MPPED2: variants seen among roughly 807,000 people sequenced by gnomAD.
MPPED2 encodes the protein metallophosphoesterase domain containing 2.
MPPED2 carries 5 observed loss-of-function variants against 33.0 expected under a neutral mutation model. That is an observed-to-expected ratio of 0.15 (90% CI 0.08 to 0.32). The LOEUF is 0.32. MPPED2 is among the 10% of genes least tolerant of loss of function. The probability of loss-of-function intolerance (pLI) is 1.00; values close to 1 mark genes in which losing one functional copy is unlikely to be tolerated. For missense variants in MPPED2, 275 were observed against 372.1 expected, an observed-to-expected ratio of 0.74 and a Z score of 2.15; for synonymous variants, 136 against 141.9, an observed-to-expected ratio of 0.96 and a Z score of 0.29.
At chr11:30,390,608 TTCAAAGAAA>T (rs1947760736) in intron 6 of MPPED2, among the ~76,000 whole-genome samples, 1 of 152,230 alleles carries the variant, frequency 6.6e-6, no homozygotes, top group Non-Finnish European at 1.5e-5. Context: ...TGCTCTGAAC[TTCAAAGAAA>T]GACTGTTTCG....
chr11:30,496,101 T>G (rs1399920149), intron 3 of MPPED2, among the ~76,000 whole-genome samples: 2 of 152,220 alleles, frequency 1.3e-5, no homozygotes, highest in Non-Finnish European at 2.9e-5. Flanking sequence ...AAGGGCCCCC[T>G]GATTAGAAGG....
chr11:30,476,298 TTA>T (rs1169093331), intron 4 of MPPED2, among the ~76,000 whole-genome samples: 2 of 151,762 alleles, frequency 1.3e-5, no homozygotes, highest in Non-Finnish European at 2.9e-5. Context: ...TTTATGTTGT[TTA>T]TGTTTTTTGT....
At chr11:30,430,613 CA>C (rs1949036444) in intron 4 of MPPED2, among the ~76,000 whole-genome samples, 1 of 151,980 alleles carries the variant, frequency 6.6e-6, no homozygotes, top group African/African-American at 2.4e-5. Flanking sequence ...TGAAATAATC[CA>C]AAAGTAAGTA....
At chr11:30,562,338 A>G (rs1250743350) in intron 2 of MPPED2, among the ~76,000 whole-genome samples, 3 of 152,176 alleles carry the variant, frequency 2.0e-5, no homozygotes, top group Admixed American at 2.0e-4. Context: ...AGTGGTAGAA[A>G]CAGGAGGACA....
intron 3 of MPPED2, among the ~76,000 whole-genome samples, chr11:30,506,525 A>G (rs760339195): frequency 6.6e-6 from 1 of 152,182 alleles, no homozygotes. Context: ...TTTCCCCCAC[A>G]AAGCCTTTAA....
intron 4 of MPPED2, among the ~76,000 whole-genome samples, chr11:30,469,488 G>A (rs549701597): frequency 3.3e-5 from 5 of 152,196 alleles, no homozygotes; most frequent in South Asian, 4.2e-4. Flanking sequence ...TCTCAGAATC[G>A]GAGATGTAGC....
At chr11:30,447,853 C>T (rs879937098) in intron 4 of MPPED2, among the ~76,000 whole-genome samples, 14 of 152,220 alleles carry the variant, frequency 9.2e-5, no homozygotes, top group Middle Eastern at 3.4e-3. Context: ...CAAGGATCCA[C>T]GAGACGTCAC....
intron 4 of MPPED2, among the ~76,000 whole-genome samples, chr11:30,447,858 C>T (rs994444558): frequency 4.6e-5 from 7 of 152,160 alleles, no homozygotes; most frequent in East Asian, 1.9e-4. Context: ...ATCCACGAGA[C>T]GTCACCCTAC....
intron 4 of MPPED2, among the ~76,000 whole-genome samples, chr11:30,458,994 C>T (rs942038669): frequency 9.6e-5 from 12 of 124,830 alleles, no homozygotes; most frequent in Admixed American, 4.2e-4. Context: ...GGCGGGATCT[C>T]GGCTCACTGC....
chr11:30,530,878 C>G (rs1200664971), intron 3 of MPPED2, among the ~76,000 whole-genome samples: 1 of 152,210 alleles, frequency 6.6e-6, no homozygotes, highest in Non-Finnish European at 1.5e-5. Context: ...GCAGGAAGAA[C>G]ACACATGGTA....
chr11:30,519,316 ATG>A (rs1038565191), intron 3 of MPPED2, among the ~76,000 whole-genome samples: 30 of 151,998 alleles, frequency 2.0e-4, no homozygotes, highest in African/African-American at 7.0e-4. Context: ...ACAAAAAAGT[ATG>A]TGTGTGTGGG....
intron 4 of MPPED2, among the ~76,000 whole-genome samples, chr11:30,455,332 G>A (rs369084451): frequency 6.6e-6 from 1 of 152,136 alleles, no homozygotes; most frequent in East Asian, 1.9e-4. Flanking sequence ...TCGCCAAGGG[G>A]GCCCACAAGC....
intron 4 of MPPED2, among the ~76,000 whole-genome samples, chr11:30,454,442 G>A (rs1039066147): frequency 2.0e-5 from 3 of 151,918 alleles, no homozygotes; most frequent in Non-Finnish European, 2.9e-5. Flanking sequence ...GTATGTGTGG[G>A]GGTGGAAATA....
At chr11:30,394,027 A>G (rs1480622724) in intron 6 of MPPED2, among the ~76,000 whole-genome samples, 2 of 152,216 alleles carry the variant, frequency 1.3e-5, no homozygotes, top group Non-Finnish European at 2.9e-5. Context: ...CAAGTGGAAT[A>G]TATCTTTTGA....
At chr11:30,585,814 G>C (rs1348196789) in intron 1 of MPPED2, among the ~76,000 whole-genome samples, 1 of 152,164 alleles carries the variant, frequency 6.6e-6, no homozygotes, top group African/African-American at 2.4e-5. Context: ...AGCCCTCCCC[G>C]AGCGCCGAAT....
At chr11:30,526,489 G>C (rs1433873892) in intron 3 of MPPED2, among the ~76,000 whole-genome samples, 1 of 152,106 alleles carries the variant, frequency 6.6e-6, no homozygotes, top group Non-Finnish European at 1.5e-5. Context: ...TTGTGAACAA[G>C]CTAAAGATTA....
At chr11:30,566,332 C>T (rs1464498700) in intron 2 of MPPED2, among the ~76,000 whole-genome samples, 1 of 152,128 alleles carries the variant, frequency 6.6e-6, no homozygotes, top group Non-Finnish European at 1.5e-5. Context: ...AAACCCAAAT[C>T]TCTAGGGTCA....
chr11:30,534,541 C>G (rs1954705385), intron 3 of MPPED2, among the ~76,000 whole-genome samples: 1 of 152,130 alleles, frequency 6.6e-6, no homozygotes, highest in Non-Finnish European at 1.5e-5. Flanking sequence ...TAAGTACCTA[C>G]TAAAACAGCA....
intron 4 of MPPED2, among the ~76,000 whole-genome samples, chr11:30,473,237 C>T (rs525920): frequency 0.1 from 15,438 of 152,128 alleles, 1,015 homozygotes; most frequent in South Asian, 0.24. Context: ...TCTATTTCAC[C>T]TCTCGTCACG....
Sources: allele counts gnomAD v4.1 joint callset (sites outside exome capture counted in the v4.1 genomes callset), GRCh38; gene constraint gnomAD v4.1.1; transcripts MANE v1.5; gene names NCBI Gene and HGNC (gene_info 2026-07-23, HGNC 2026-07-21).